Variants in ADAMTS16 observed in about 807,000 individuals in gnomAD.
ADAMTS16 encodes A disintegrin and metalloproteinase with thrombospondin motifs 16.
ADAMTS16 carries 94 observed loss-of-function variants against 145.8 expected under a neutral mutation model. The ratio of observed to expected loss-of-function variants is 0.64; its 90% CI spans 0.55 to 0.77. The LOEUF (loss-of-function observed/expected upper bound fraction) is 0.77. ADAMTS16 is among the 30% of genes least tolerant of loss of function. The pLI, the probability that ADAMTS16 is intolerant of heterozygous loss-of-function variation, is 0.00. For synonymous variants in ADAMTS16, 659 were observed against 604.3 expected (o/e 1.09, Z -1.33); for missense variants, 1,585 against 1,591.5 (o/e 1.00, Z 0.07).
At chr5:5,278,541 G>A (rs1425175606) in intron 18 of ADAMTS16, among the ~76,000 whole-genome samples, 3 of 152,176 alleles carry the variant, frequency 2.0e-5, no homozygotes, top group Non-Finnish European at 4.4e-5. Flanking sequence ...TATTTGTCTA[G>A]AAGCTAATGA....
At chr5:5,199,986 T>C in intron 8 of ADAMTS16, 146 bp from the exon 9 acceptor site, 2 of 934,736 alleles carry the variant, frequency 2.1e-6, no homozygotes, top group Non-Finnish European at 3.1e-6. Flanking sequence ...CTTAACCAAT[T>C]GGCAGTTGTG....
chr5:5,175,536 C>T (rs550899972), intron 3 of ADAMTS16, among the ~76,000 whole-genome samples: 1 of 152,242 alleles, frequency 6.6e-6, no homozygotes, highest in Admixed American at 6.5e-5. Context: ...TTGCATGCCC[C>T]CAAGTCCACC....
rs1735494591 is a variant in ADAMTS16 at position 5,186,260 on chromosome 5, A to C, written c.963+9A>C. On this transcript the variant is annotated intron_variant, in intron 5 of 22. Transcript: ENST00000274181. ...TCACGATACTCAACATGGTAGGATC[A>C]TCCTTCCAGTTGAGGCCACCTGTGT... 2 of 1,612,184 alleles carry C rather than the reference A, an allele frequency of 1.2e-6. No individual in the cohort carries two copies. Among genetic ancestry groups the C allele is most frequent in the South Asian group, 2.2e-5 (2 of 91,024 alleles).
At chr5:5,277,000 A>G (rs938082133) in intron 18 of ADAMTS16, among the ~76,000 whole-genome samples, 4 of 152,356 alleles carry the variant, frequency 2.6e-5, no homozygotes, top group East Asian at 3.9e-4. Context: ...TAAAGAAAAC[A>G]TGGCGAAACA....
At chr5:5,212,487 A>G (rs1330150958) in intron 10 of ADAMTS16, among the ~76,000 whole-genome samples, 1 of 152,170 alleles carries the variant, frequency 6.6e-6, no homozygotes, top group African/African-American at 2.4e-5. Flanking sequence ...AATTCGGTGC[A>G]CATACATTTA....
rs1482182564 is a variant in ADAMTS16 at position 5,319,087 on chromosome 5, C to A, written c.3624C>A (p.His1208Gln). Reference protein sequence around the residue: ...YLVPQHGMCSHKFYGKQCCKT... With the variant: ...YLVPQHGMCSQKFYGKQCCKT... Reference sequence around the variant, plus strand: ...TACCCCAGCACGGGATGTGCAGCCACAAGTTCTACGGCAAGCAGTGCTGCA... The same window carrying A: ...TACCCCAGCACGGGATGTGCAGCCAAAAGTTCTACGGCAAGCAGTGCTGCA... Residue 1208 changes from histidine to glutamine, a missense_variant, in exon 23 of 23, where the codon CAC (histidine) becomes CAA (glutamine). By Grantham distance (24) the His-to-Gln change is conservative. This residue lies in a region of ADAMTS16 where 834 missense variants were observed against 811.7 expected (regional missense o/e 1.03). Transcript: ENST00000274181. The A allele has an allele frequency of 1.5e-5, 24 of 1,613,460 alleles. No individual in the cohort carries two copies. Among genetic ancestry groups the A allele is most frequent in the Admixed American group, 3.3e-5 (2 of 59,964 alleles).
chr5:5,312,530 C>T (rs1015011923), intron 21 of ADAMTS16, among the ~76,000 whole-genome samples: 3 of 151,606 alleles, frequency 2.0e-5, no homozygotes, highest in Admixed American at 2.0e-4. Flanking sequence ...TCACTGCAAC[C>T]TCCACCTTCC....
intron 17 of ADAMTS16, among the ~76,000 whole-genome samples, chr5:5,258,279 G>C (rs1341028368): frequency 1.3e-5 from 2 of 152,210 alleles, no homozygotes; most frequent in Non-Finnish European, 2.9e-5. Context: ...GGGGTCTTAG[G>C]AGCTGTGTGT....
chr5:5,151,852 C>G (rs1445615354), intron 3 of ADAMTS16, among the ~76,000 whole-genome samples: 1 of 152,078 alleles, frequency 6.6e-6, no homozygotes, highest in Non-Finnish European at 1.5e-5. Context: ...TCCTATGTAA[C>G]AGTAAGCTTG....
In ADAMTS16 at chr5:5,269,431, T is replaced by G. The variant is rs549014832; in HGVS notation, c.2789+6648T>G. ...GGTACACAATCCTTACACCTGCCCCTGGGTCATTTGCTCCCCACCTCCCAG... is the reference window on the plus strand; with the variant it reads ...GGTACACAATCCTTACACCTGCCCCGGGGTCATTTGCTCCCCACCTCCCAG... On this transcript the variant is annotated intron_variant, in intron 18 of 22. Coordinates refer to ENST00000274181, the MANE Select transcript of ADAMTS16 (RefSeq NM_139056.4). This position sits in a 1 kb window ranked among gnomAD's most constrained non-coding sequence, Gnocchi z 4.3. Among the ~76,000 whole-genome samples, 5 of 152,248 alleles carry G rather than the reference T, an allele frequency of 3.3e-5. No individual in the cohort carries two copies. In the East Asian group the frequency reaches 7.7e-4, roughly 24 times the overall value.
At chr5:5,266,715 C>G (rs1045880862) in intron 18 of ADAMTS16, among the ~76,000 whole-genome samples, 1 of 152,206 alleles carries the variant, frequency 6.6e-6, no homozygotes, top group African/African-American at 2.4e-5. Context: ...TGGGGCTACT[C>G]TTCCTGGTGT....
rs1161886320 is a variant in ADAMTS16 at position 5,269,036 on chromosome 5, A to G, written c.2789+6253A>G. ...CAGCTCAGCCACATTCTGAGCTCAT[A>G]CACACCTCACCTGTGACCTCTCGGT... On this transcript the variant is annotated intron_variant, in intron 18 of 22. Transcript: ENST00000274181. The surrounding 1 kb of genome is among the most constrained non-coding windows in gnomAD (Gnocchi z 4.3). 6.6e-6 allele frequency among the ~76,000 whole-genome samples: 1 copy of G among 152,022 alleles called. No individual in the cohort carries two copies. Among genetic ancestry groups the G allele is most frequent in the East Asian group, 1.9e-4 (1 of 5,176 alleles).
chr5:5,261,027 C>T (rs903399839), intron 17 of ADAMTS16, among the ~76,000 whole-genome samples: 9 of 152,336 alleles, frequency 5.9e-5, no homozygotes, highest in African/African-American at 2.2e-4. Flanking sequence ...ACCCAATCCA[C>T]AGGACTTCTT....
At chr5:5,141,892 A>T (rs1393700804) in intron 2 of ADAMTS16, among the ~76,000 whole-genome samples, 1 of 46,882 alleles carries the variant, frequency 2.1e-5, no homozygotes, top group Non-Finnish European at 3.9e-5. Context: ...ATAAAATGTT[A>T]AAAAAAATTG....
intron 17 of ADAMTS16, 137 bp from the exon 18 acceptor site, chr5:5,262,520 T>C (rs916978087): frequency 3.4e-6 from 4 of 1,178,772 alleles, no homozygotes; most frequent in Non-Finnish European, 4.7e-6. Context: ...TATTAATAGT[T>C]GGCCAGTTGG....
chr5:5,306,680 TGCTGCGGGACCCTCGAGGG>T lies in ADAMTS16; in HGVS notation c.3366_3384del (p.Pro1125LeufsTer137). 1 of 1,613,914 alleles carries T rather than the reference TGCTGCGGGACCCTCGAGGG, an allele frequency of 6.2e-7. No homozygotes were observed. Among genetic ancestry groups the T allele is most frequent in the Non-Finnish European group, 8.5e-7 (1 of 1,179,966 alleles). ...CATGCCCCAGGCACCCCCCATTTGC[TGCTGCGGGACCCTCGAGGG>T]GCAGCTGGTTTGCCTCACCCTGGTC... On this transcript the variant is annotated frameshift_variant, in exon 21 of 23. Transcript: ENST00000274181. LOFTEE classifies it high-confidence loss of function.
Position 5,248,120 on chromosome 5 carries a change from C to A in ADAMTS16, c.2662+5929C>A, listed in dbSNP as rs917201549. On this transcript the variant is annotated intron_variant, in intron 17 of 22. Transcript: ENST00000274181. Reference sequence around the variant, plus strand: ...CATTTATGGAACACCGTCTGGTTTTCCATGTAATTTTGCTTACAGAATTCG... The same window carrying A: ...CATTTATGGAACACCGTCTGGTTTTACATGTAATTTTGCTTACAGAATTCG... 1.6e-4 allele frequency among the ~76,000 whole-genome samples: 25 copies of A among 152,250 alleles called. 1 individual carries two copies. The South Asian group carries it at 1.9e-3, about 11-fold the overall frequency.
intron 8 of ADAMTS16, among the ~76,000 whole-genome samples, chr5:5,193,819 G>A (rs1735728665): frequency 6.6e-6 from 1 of 152,178 alleles, no homozygotes; most frequent in Non-Finnish European, 1.5e-5. Context: ...AAAGAAAGAA[G>A]CCAGTCGGGC....
intron 15 of ADAMTS16, 77 bp downstream of exon 15, chr5:5,239,351 A>G: frequency 6.7e-7 from 1 of 1,491,742 alleles, no homozygotes. Context: ...GCTTGAGGTG[A>G]CAGTGAAAAC....
Sources: allele counts gnomAD v4.1 joint callset (sites outside exome capture counted in the v4.1 genomes callset), GRCh38; gene constraint gnomAD v4.1.1; regional missense constraint gnomAD v4.1.1; non-coding constraint Gnocchi (gnomAD v3.1); transcripts MANE v1.5; gene names NCBI Gene and HGNC (gene_info 2026-07-23, HGNC 2026-07-21).